DOCK8: variants seen among roughly 807,000 people sequenced by gnomAD.
DOCK8 encodes the protein dedicator of cytokinesis 8, also known as dedicator of cytokinesis protein 8.
A neutral mutation model predicts 245.6 loss-of-function variants in DOCK8; 141 were observed. The ratio of observed to expected loss-of-function variants is 0.57; its 90% confidence interval spans 0.50 to 0.66. DOCK8 has a LOEUF of 0.66. Among genes scored for constraint, DOCK8 ranks in the 30% least tolerant of loss-of-function variants. The pLI is 0.00. For synonymous variants in DOCK8, 1,168 were observed against 970.2 expected (o/e 1.20, Z -3.79); for missense variants, 2,965 against 2,603.4 (o/e 1.14, Z -3.02).
At chr9:317,188 A>T (rs950521836) in intron 7 of DOCK8, 60 bp downstream of exon 7, 1 of 1,333,752 alleles carries the variant, frequency 7.5e-7, no homozygotes, top group Non-Finnish European at 1.1e-6. Flanking sequence ...TTACATACAA[A>T]TGTTGTGTTT....
chr9:425,671 C>T (rs1437515818), intron 33 of DOCK8, among the ~76,000 whole-genome samples: 1 of 149,472 alleles, frequency 6.7e-6, no homozygotes, highest in African/African-American at 2.5e-5. Context: ...GGCAGAGCAT[C>T]ACTTGAGCCC....
upstream of DOCK8, chr9:214,567 C>T (rs1164024916): frequency 6.2e-7 from 1 of 1,613,948 alleles, no homozygotes; most frequent in Non-Finnish European, 8.5e-7. Context: ...CCCCGACTTG[C>T]CTACATTCCC....
intron 1 of DOCK8, among the ~76,000 whole-genome samples, chr9:267,287 C>T (rs541060951): frequency 3.3e-5 from 5 of 152,310 alleles, no homozygotes; most frequent in Admixed American, 1.3e-4. Flanking sequence ...TTCACTGTAG[C>T]CTCAACCTCC....
intron 24 of DOCK8, among the ~76,000 whole-genome samples, chr9:396,469 C>G (rs973279961): frequency 1.3e-5 from 2 of 152,202 alleles, no homozygotes; most frequent in African/African-American, 4.8e-5. Context: ...GAGCCCAGCT[C>G]AGGTCTGCCT....
chr9:428,315 T>C (rs1292259883), intron 34 of DOCK8, 47 bp from the exon 35 acceptor site: 1 of 1,613,300 alleles, frequency 6.2e-7, no homozygotes, highest in Non-Finnish European at 8.5e-7. Context: ...ATCCAGTTCA[T>C]TGGCACAGTG....
At chr9:339,537 A>C (rs1336903128) in intron 13 of DOCK8, among the ~76,000 whole-genome samples, 1 of 152,096 alleles carries the variant, frequency 6.6e-6, no homozygotes. Context: ...TTTTTTTGAG[A>C]TGGAGTCTTG....
intron 40 of DOCK8, among the ~76,000 whole-genome samples, chr9:439,940 C>T (rs1274915824): frequency 1.3e-5 from 2 of 152,144 alleles, no homozygotes; most frequent in Non-Finnish European, 2.9e-5. Context: ...GATCTAAACA[C>T]TCCTAGTATA....
intron 5 of DOCK8, among the ~76,000 whole-genome samples, chr9:309,723 A>G (rs2050014341): frequency 6.6e-6 from 1 of 152,218 alleles, no homozygotes; most frequent in Non-Finnish European, 1.5e-5. Flanking sequence ...ATTCCCGTAG[A>G]AAAGTGTTGC....
chr9:314,429 G>T (rs971849194), intron 6 of DOCK8: 13 of 152,200 alleles, frequency 8.5e-5, no homozygotes, highest in African/African-American at 3.1e-4. Context: ...TTAGAGGGGA[G>T]AATGTTCCAT....
At chr9:226,613 G>A (rs1038425462) in intron 1 of DOCK8, among the ~76,000 whole-genome samples, 1 of 151,970 alleles carries the variant, frequency 6.6e-6, no homozygotes, top group Non-Finnish European at 1.5e-5. Flanking sequence ...ATGGGGTGGG[G>A]CAATGAAAAA....
chr9:412,404 CAAAAAAAAAA>C (rs59340573), intron 28 of DOCK8, among the ~76,000 whole-genome samples: 3 of 100,792 alleles, frequency 3.0e-5, no homozygotes, highest in Admixed American at 1.1e-4. Flanking sequence ...GACCCTGTCT[CAAAAAAAAAA>C]AAAAAAAGAA....
intron 3 of DOCK8, among the ~76,000 whole-genome samples, chr9:289,164 G>C (rs1250550565): frequency 6.6e-6 from 1 of 152,144 alleles, no homozygotes. Context: ...AAATTACCCT[G>C]TCAGAGATAG....
intron 1 of DOCK8, among the ~76,000 whole-genome samples, chr9:227,621 C>T (rs4740661): frequency 0.16 from 23,851 of 152,064 alleles, 2,195 homozygotes; most frequent in East Asian, 0.4. Context: ...ATAACCTAGC[C>T]CACCCTAACA....
intron 18 of DOCK8, among the ~76,000 whole-genome samples, chr9:375,643 C>A (rs1206336032): frequency 6.6e-6 from 1 of 152,134 alleles, no homozygotes; most frequent in Admixed American, 6.5e-5. Flanking sequence ...GCCCTCTTCT[C>A]ACAGCATGAG....
intron 1 of DOCK8, among the ~76,000 whole-genome samples, chr9:266,167 C>T (rs1000287457): frequency 2.8e-4 from 43 of 152,222 alleles, no homozygotes; most frequent in Middle Eastern, 3.4e-3. Context: ...TTTAAAAGCT[C>T]CCTAAACATT....
At chr9:369,057 T>G (rs947044229) in intron 15 of DOCK8, 1 of 152,056 alleles carries the variant, frequency 6.6e-6, no homozygotes, top group Non-Finnish European at 1.5e-5. Context: ...CCACCCGCCT[T>G]GGCCTCCTAA....
chr9:431,724 A>G (rs1420927713), intron 36 of DOCK8, among the ~76,000 whole-genome samples: 9 of 152,020 alleles, frequency 5.9e-5, no homozygotes, highest in African/African-American at 2.2e-4. Flanking sequence ...GCCCAGGCTG[A>G]TCTTGAACTC....
At chr9:215,171 C>G (rs1316972088) in intron 1 of DOCK8, 142 bp downstream of exon 1, 14 of 1,504,082 alleles carry the variant, frequency 9.3e-6, no homozygotes, top group Admixed American at 6.5e-5. Flanking sequence ...GCGCCCGGTT[C>G]CCGAGGCTGC....
intron 6 of DOCK8, chr9:312,498 TTTGAGGGGATGTGTG>T (rs2050172106): frequency 2.1e-6 from 1 of 472,328 alleles, no homozygotes; most frequent in African/African-American, 2.0e-5. Context: ...CATCCTATTA[TTTGAGGGGATGTGTG>T]GTCACTAATC....
Sources: gnomAD v4.1 joint callset for allele counts (sites outside exome capture counted in the v4.1 genomes callset) on GRCh38, gnomAD v4.1.1 for gene constraint, MANE v1.5 for transcripts, NCBI Gene and HGNC (gene_info 2026-07-23, HGNC 2026-07-21) for gene names.